The following RICTOR variants were observed in gnomAD, a reference collection of about 807,000 sequenced individuals.
The protein encoded by RICTOR is rapamycin-insensitive companion of mTOR.
RICTOR carries 49 observed loss-of-function variants against 214.9 expected under a neutral mutation model. The ratio of observed to expected loss-of-function variants is 0.23; its 90% CI spans 0.18 to 0.29. The LOEUF is 0.29. Ranked by LOEUF, RICTOR falls within the 10% of genes least tolerant of loss-of-function variation. The pLI is 1.00. For missense variants in RICTOR, 1,625 were observed against 2,047.0 expected, an observed-to-expected ratio of 0.79 and a Z score of 3.98; for synonymous variants, 717 against 711.3, an observed-to-expected ratio of 1.01 and a Z score of -0.13.
At chr5:39,026,957 G>A (rs765844376) in intron 2 of RICTOR, among the ~76,000 whole-genome samples, 29 of 151,892 alleles carry the variant, frequency 1.9e-4, no homozygotes, top group Non-Finnish European at 3.1e-4. Flanking sequence ...GTGGTGAGCC[G>A]AGATCGCACC....
At chr5:38,947,780 C>T (rs1748363813) in intron 31 of RICTOR, among the ~76,000 whole-genome samples, 2 of 152,082 alleles carry the variant, frequency 1.3e-5, no homozygotes, top group Admixed American at 6.6e-5. Flanking sequence ...GGACTATCTT[C>T]ATAATCACTT....
Position 38,958,848 on chromosome 5 carries a change from A to G in RICTOR, c.2179-17T>C, listed in dbSNP as rs751159808. ...TCTGCAGGCCTATAAGGATAAATGAATACATTAAAAAAAAAAAAAACTTCA... is the reference window on the plus strand; with the variant it reads ...TCTGCAGGCCTATAAGGATAAATGAGTACATTAAAAAAAAAAAAAACTTCA... On this transcript the variant is annotated splice_polypyrimidine_tract_variant and intron_variant, in intron 22 of 37. Transcript: ENST00000357387. The G allele has an allele frequency of 3.4e-6, 5 of 1,479,486 alleles. No individual in the cohort carries two copies. Among genetic ancestry groups the G allele is most frequent in the Non-Finnish European group, 4.5e-6 (5 of 1,109,990 alleles). The allele number at this position is 1,479,486 out of a possible 1,614,324, so 91.6% of individuals were successfully genotyped here.
intron 31 of RICTOR, among the ~76,000 whole-genome samples, chr5:38,947,764 G>C (rs1282188094): frequency 6.6e-6 from 1 of 151,984 alleles, no homozygotes; most frequent in Non-Finnish European, 1.5e-5. Context: ...TCAGAGCATG[G>C]TCCAAGGACT....
chr5:38,984,061 T>A (rs201696422), intron 7 of RICTOR, among the ~76,000 whole-genome samples: 6 of 137,666 alleles, frequency 4.4e-5, no homozygotes, highest in East Asian at 4.3e-4. Context: ...TTTTTTTTTT[T>A]AAAACAAAAG....
chr5:38,985,133 C>A (rs1360570033), intron 7 of RICTOR, among the ~76,000 whole-genome samples: 1 of 152,066 alleles, frequency 6.6e-6, no homozygotes, highest in East Asian at 1.9e-4. Context: ...CTTAGCCATG[C>A]ATTTCTTTGA....
intron 27 of RICTOR, among the ~76,000 whole-genome samples, chr5:38,954,354 C>A (rs1749054177): frequency 6.6e-6 from 1 of 151,900 alleles, no homozygotes. Flanking sequence ...TGCTCACAAC[C>A]AGCAACTTTC....
intron 2 of RICTOR, among the ~76,000 whole-genome samples, chr5:39,071,794 A>G (rs771529729): frequency 7.2e-5 from 11 of 152,232 alleles, no homozygotes; most frequent in Non-Finnish European, 1.5e-4. Flanking sequence ...TGAATCTCTC[A>G]AAGATTAAAT....
intron 29 of RICTOR, 38 bp from the exon 30 acceptor site, chr5:38,952,463 C>A: frequency 1.5e-6 from 2 of 1,361,556 alleles, no homozygotes; most frequent in Non-Finnish European, 1.0e-6. Flanking sequence ...GTTATAATTC[C>A]AAGCTGAGAT....
intron 3 of RICTOR, among the ~76,000 whole-genome samples, chr5:39,009,130 A>G (rs1580087269): frequency 6.6e-6 from 1 of 152,238 alleles, no homozygotes; most frequent in East Asian, 1.9e-4. Context: ...CAAATATACA[A>G]AGTCTTGTCC....
Position 38,953,095 on chromosome 5 carries a change from A to G in RICTOR, c.2791-4T>C, listed in dbSNP as rs1189383095. ...AATTTGATGAGCCGATATTTCCCTG[A>G]AAGAAAAGAAATCACTTACATCAAA... On this transcript the variant is annotated splice_polypyrimidine_tract_variant and splice_region_variant and intron_variant, in intron 28 of 37. Coordinates refer to ENST00000357387, the MANE Select transcript of RICTOR (RefSeq NM_152756.5). The G allele has an allele frequency of 6.4e-7, 1 of 1,567,834 alleles. No homozygotes were observed. The highest frequency in any genetic ancestry group is 8.8e-7 in the Non-Finnish European group (1 of 1,140,352).
At chr5:39,028,175 CTTTTT>C (rs70982535) in intron 2 of RICTOR, among the ~76,000 whole-genome samples, 17 of 78,404 alleles carry the variant, frequency 2.2e-4, no homozygotes, top group African/African-American at 7.7e-4. Flanking sequence ...AACTGGAATT[CTTTTT>C]TTTTTTTTTT....
chr5:38,950,143 A>G lies in RICTOR; in HGVS notation c.3705T>C (p.Ser1235=), dbSNP rs753615115. The part of the protein sequence containing the change: ...TTSGISSMSS[S]PSRETVGVDA... ...CTACACCTACTGTCTCTCGTGAAGG[A>G]CTTGAGCTCATTGAACTTATGCCAC... Residue 1235 remains serine (S), a synonymous_variant, in exon 31 of 38, where the codon AGT becomes AGC. Transcript: ENST00000357387. The G allele has an allele frequency of 1.2e-6, 2 of 1,613,386 alleles. No individual in the cohort carries two copies. The highest frequency in any genetic ancestry group is 1.7e-6 in the Non-Finnish European group (2 of 1,179,584).
At chr5:39,037,628 A>C (rs1233428932) in intron 2 of RICTOR, among the ~76,000 whole-genome samples, 1 of 152,226 alleles carries the variant, frequency 6.6e-6, no homozygotes, top group Non-Finnish European at 1.5e-5. Flanking sequence ...AAAAATGACA[A>C]AGGGGGTATC....
chr5:38,997,943 T>A (rs1238591396), intron 5 of RICTOR, among the ~76,000 whole-genome samples: 53 of 152,218 alleles, frequency 3.5e-4, no homozygotes, highest in Admixed American at 3.5e-3. Flanking sequence ...GCATGCAGTG[T>A]TCTCTCCAAG....
Position 39,062,588 on chromosome 5 carries a change from T to C in RICTOR, c.97+11523A>G, listed in dbSNP as rs148504824. ...CAATACTATTTTAAGATGTGATTTT[T>C]TGAAGTATGAAACTACTGATAAAAA... On this transcript the variant is annotated intron_variant, in intron 2 of 37. Coordinates refer to ENST00000357387, the MANE Select transcript of RICTOR (RefSeq NM_152756.5). Among the ~76,000 whole-genome samples the C allele has an allele frequency of 3.1e-3, 474 of 152,266 alleles. 6 individuals carry two copies. Among genetic ancestry groups the C allele is most frequent in the Non-Finnish European group, 4.4e-3 (301 of 67,970 alleles).
At chr5:39,013,821 T>C (rs533363306) in intron 3 of RICTOR, among the ~76,000 whole-genome samples, 1 of 152,260 alleles carries the variant, frequency 6.6e-6, no homozygotes, top group East Asian at 1.9e-4. Context: ...CACATTTACA[T>C]ACAAAGATAT....
chr5:39,063,503 T>C (rs542374667), intron 2 of RICTOR, among the ~76,000 whole-genome samples: 6 of 152,278 alleles, frequency 3.9e-5, no homozygotes, highest in Admixed American at 2.6e-4. Context: ...TATGCAAAGG[T>C]CTTACAATTG....
rs140903617 is a variant in RICTOR at position 39,013,770 on chromosome 5, G to A, written c.195+7269C>T. ...TGTATAGAAAAGGAAAGCATGCTAT[G>A]ATATATTGGGATGTGGAAAGCAGCA... On this transcript the variant is annotated intron_variant, in intron 3 of 37. Coordinates refer to ENST00000357387, the MANE Select transcript of RICTOR (RefSeq NM_152756.5). Among the ~76,000 whole-genome samples, 224 of 152,192 alleles carry A rather than the reference G, an allele frequency of 1.5e-3. 1 individual carries two copies. Among genetic ancestry groups the A allele is most frequent in the Middle Eastern group, 0.01 (3 of 294 alleles).
intron 15 of RICTOR, among the ~76,000 whole-genome samples, chr5:38,965,775 C>T (rs761992520): frequency 6.6e-6 from 1 of 151,826 alleles, no homozygotes; most frequent in Non-Finnish European, 1.5e-5. Context: ...CTCACATAGC[C>T]CAGTTGCTAT....
Sources: allele counts gnomAD v4.1 joint callset (sites outside exome capture counted in the v4.1 genomes callset), GRCh38; gene constraint gnomAD v4.1.1; transcripts MANE v1.5; gene names NCBI Gene and HGNC (gene_info 2026-07-23, HGNC 2026-07-21).